FBLN7: variants seen among roughly 807,000 people sequenced by gnomAD.
The protein encoded by FBLN7 is fibulin 7.
Under a neutral mutation model 44.0 loss-of-function variants are expected in FBLN7, and 31 were observed. The ratio of observed to expected loss-of-function variants is 0.70; its 90% CI spans 0.53 to 0.95. The LOEUF is 0.95. FBLN7 is among the 40% of genes least tolerant of loss of function. The pLI, the probability that FBLN7 is intolerant of heterozygous loss-of-function variation, is 0.00. For missense variants in FBLN7, 573 were observed against 618.5 expected (o/e 0.93, Z 0.78); for synonymous variants, 262 against 253.4 (o/e 1.03, Z -0.32).
chr2:112,203,932 C>A, the FBLN7 span, among the ~76,000 whole-genome samples: 4 of 152,184 alleles, frequency 2.6e-5, no homozygotes, highest in Non-Finnish European at 5.9e-5. Context: ...CACCAGCTCC[C>A]TCCCACAAAA....
chr2:112,203,078 T>A, the FBLN7 span, among the ~76,000 whole-genome samples: 1 of 152,006 alleles, frequency 6.6e-6, no homozygotes, highest in Admixed American at 6.6e-5. Context: ...GGAAATGAAA[T>A]ATCTACAGGG....
At chr2:112,140,520 C>G (rs977624597) in intron 1 of FBLN7, among the ~76,000 whole-genome samples, 1 of 152,142 alleles carries the variant, frequency 6.6e-6, no homozygotes, top group Non-Finnish European at 1.5e-5. Flanking sequence ...CATCGCTGGC[C>G]GGGCCCCTGG....
chr2:112,239,168 A>C, the FBLN7 span, among the ~76,000 whole-genome samples: 4 of 152,246 alleles, frequency 2.6e-5, no homozygotes, highest in Non-Finnish European at 2.9e-5. Flanking sequence ...GCAAGGGTGA[A>C]GAACCCAGGC....
chr2:112,223,077 G>C, the FBLN7 span, among the ~76,000 whole-genome samples: 1 of 152,010 alleles, frequency 6.6e-6, no homozygotes, highest in East Asian at 1.9e-4. Context: ...TTTGGACACA[G>C]GGTGGGGAAC....
At chr2:112,223,294 A>G in the FBLN7 span, among the ~76,000 whole-genome samples, 1 of 152,222 alleles carries the variant, frequency 6.6e-6, no homozygotes, top group African/African-American at 2.4e-5. Flanking sequence ...ATATTTAAAG[A>G]AGGAATAATA....
chr2:112,215,984 C>A, the FBLN7 span: 93 of 152,124 alleles, frequency 6.1e-4, no homozygotes, highest in East Asian at 0.012. Flanking sequence ...TTATTTTAAG[C>A]CCTAAAATGA....
the FBLN7 span, among the ~76,000 whole-genome samples, chr2:112,234,408 G>T: frequency 5.2e-4 from 79 of 152,276 alleles, no homozygotes; most frequent in African/African-American, 1.8e-3. Flanking sequence ...TGAATGTTTT[G>T]TCAGTTTCAA....
chr2:112,148,939 A>G (rs965478324), intron 1 of FBLN7, among the ~76,000 whole-genome samples: 4 of 152,190 alleles, frequency 2.6e-5, no homozygotes, highest in Non-Finnish European at 4.4e-5. Flanking sequence ...TTTTGATGAA[A>G]AGAGAGCAGA....
the FBLN7 span, chr2:112,213,944 GA>G: frequency 6.8e-6 from 1 of 146,846 alleles, no homozygotes; most frequent in Non-Finnish European, 1.5e-5. Flanking sequence ...ACCCACTTAA[GA>G]ATTTTTTTTT....
chr2:112,148,755 T>A (rs1295713952), intron 1 of FBLN7, among the ~76,000 whole-genome samples: 1 of 152,192 alleles, frequency 6.6e-6, no homozygotes, highest in Non-Finnish European at 1.5e-5. Context: ...GGGGCTTTTC[T>A]CATGGTGGTT....
chr2:112,232,138 C>T, the FBLN7 span, among the ~76,000 whole-genome samples: 2 of 152,014 alleles, frequency 1.3e-5, no homozygotes, highest in Non-Finnish European at 2.9e-5. Context: ...GGCGAAACCT[C>T]GCCTTTACTA....
At chr2:112,161,472 C>T (rs1448676382) in intron 2 of FBLN7, among the ~76,000 whole-genome samples, 1 of 152,210 alleles carries the variant, frequency 6.6e-6, no homozygotes, top group Non-Finnish European at 1.5e-5. Flanking sequence ...CCACACACCC[C>T]AACTCCATGG....
chr2:112,221,129 T>C, the FBLN7 span, among the ~76,000 whole-genome samples: 65 of 152,342 alleles, frequency 4.3e-4, 1 homozygote, highest in East Asian at 8.7e-3. Flanking sequence ...TAATTTCATA[T>C]TTCTCAGAGG....
the FBLN7 span, among the ~76,000 whole-genome samples, chr2:112,209,561 G>A: frequency 1.3e-5 from 2 of 152,162 alleles, no homozygotes; most frequent in Non-Finnish European, 2.9e-5. Context: ...AGTGAGAAAG[G>A]GGAGACAGAG....
At chr2:112,162,503 T>C (rs1263031599) in intron 2 of FBLN7, among the ~76,000 whole-genome samples, 1 of 152,108 alleles carries the variant, frequency 6.6e-6, no homozygotes, top group Non-Finnish European at 1.5e-5. Context: ...CATGTCCCCA[T>C]GTTGCTGAGA....
At chr2:112,153,089 T>C (rs565984447) in intron 1 of FBLN7, 1 of 152,234 alleles carries the variant, frequency 6.6e-6, no homozygotes, top group East Asian at 1.9e-4. Flanking sequence ...TCTCTCCTCA[T>C]ATATGTGGGT....
intron 7 of FBLN7, among the ~76,000 whole-genome samples, chr2:112,186,621 CAG>C (rs1683281479): frequency 6.6e-6 from 1 of 152,126 alleles, no homozygotes; most frequent in Non-Finnish European, 1.5e-5. Flanking sequence ...GCCTGGGCGA[CAG>C]AGTGAGACTC....
intron 1 of FBLN7, among the ~76,000 whole-genome samples, chr2:112,156,984 C>A (rs533739698): frequency 6.6e-6 from 1 of 152,190 alleles, no homozygotes; most frequent in Non-Finnish European, 1.5e-5. Flanking sequence ...GGGGGCCACA[C>A]ACCTCCCTGC....
chr2:112,148,986 C>T (rs1304910202), intron 1 of FBLN7, among the ~76,000 whole-genome samples: 1 of 152,166 alleles, frequency 6.6e-6, no homozygotes, highest in African/African-American at 2.4e-5. Context: ...GGGAGGAAGA[C>T]CTGGGGTGAT....
Sources: gnomAD v4.1 joint callset for allele counts (sites outside exome capture counted in the v4.1 genomes callset) on GRCh38, gnomAD v4.1.1 for gene constraint, MANE v1.5 for transcripts, NCBI Gene and HGNC (gene_info 2026-07-23, HGNC 2026-07-21) for gene names.